Variants in KIAA1958 observed in about 807,000 individuals in gnomAD.
KIAA1958 encodes the protein KIAA1958, also known as uncharacterized protein KIAA1958.
A neutral mutation model predicts 47.2 loss-of-function variants in KIAA1958; 14 were observed. That is an observed-to-expected ratio of 0.30 (90% CI 0.20 to 0.46). The LOEUF is 0.46. Ranked by LOEUF, KIAA1958 falls within the 20% of genes least tolerant of loss-of-function variation. The pLI, the probability that KIAA1958 is intolerant of heterozygous loss-of-function variation, is 1.00. For synonymous variants in KIAA1958, 354 were observed against 353.3 expected, an observed-to-expected ratio of 1.00 and a Z score of -0.02; for missense variants, 803 against 909.2, an observed-to-expected ratio of 0.88 and a Z score of 1.50.
chr9:112,657,154 G>A (rs1448771737), intron 3 of KIAA1958, among the ~76,000 whole-genome samples: 1 of 151,900 alleles, frequency 6.6e-6, no homozygotes, highest in Non-Finnish European at 1.5e-5. Flanking sequence ...GGAGTGCAGT[G>A]GCATGATCTC....
At chr9:112,623,408 A>C (rs1319245669) in intron 2 of KIAA1958, among the ~76,000 whole-genome samples, 1 of 152,232 alleles carries the variant, frequency 6.6e-6, no homozygotes, top group Non-Finnish European at 1.5e-5. Flanking sequence ...ATCTGAAATT[A>C]GATCCAGATC....
rs761228460 is a variant in KIAA1958 at position 112,575,091 on chromosome 9, T to A, written c.1011T>A (p.Val337=). ...ALQLPGQDEQ[V]ASEEFLSHLP... ...AGCTGCCTGGACAGGATGAGCAAGT[T>A]GCCTCTGAAGAGTTCCTGTCCCATC... Residue 337 remains valine (V), a synonymous_variant, in exon 2 of 4, where the codon GTT becomes GTA. Coordinates refer to ENST00000337530, the MANE Select transcript of KIAA1958 (RefSeq NM_133465.4). 5.6e-6 allele frequency: 9 copies of A among 1,612,066 alleles called. 1 individual carries two copies. The South Asian group carries it at 9.9e-5, about 18-fold the overall frequency.
At chr9:112,511,278 C>G (rs1337295844) in intron 1 of KIAA1958, among the ~76,000 whole-genome samples, 1 of 152,146 alleles carries the variant, frequency 6.6e-6, no homozygotes, top group African/African-American at 2.4e-5. Context: ...CATACTGAAT[C>G]AGAAACTCTG....
At chr9:112,515,717 A>G (rs1834418247) in intron 1 of KIAA1958, among the ~76,000 whole-genome samples, 1 of 83,612 alleles carries the variant, frequency 1.2e-5, no homozygotes, top group African/African-American at 4.8e-5. Context: ...ACCAATCCCT[A>G]ATCTCAAGTA....
At position 112,550,643 on chromosome 9, in the gene KIAA1958, T is replaced by C. The variant is rs548821181; in HGVS notation, c.-24-23414T>C. ...AGTCCTGGAGAACCAGGAGTCAGAT[T>C]CCAGGTAGGCCCTCCCAGTTGAATC... On this transcript the variant is annotated intron_variant, in intron 1 of 3. Coordinates refer to ENST00000337530, the MANE Select transcript of KIAA1958 (RefSeq NM_133465.4). Among the ~76,000 whole-genome samples, 7 of 152,278 alleles carry C rather than the reference T, an allele frequency of 4.6e-5. No individual in the cohort carries two copies. In the East Asian group the frequency reaches 1.3e-3, roughly 29 times the overall value.
intron 1 of KIAA1958, among the ~76,000 whole-genome samples, chr9:112,520,832 C>T (rs910177122): frequency 4.6e-5 from 7 of 152,204 alleles, no homozygotes; most frequent in African/African-American, 1.2e-4. Flanking sequence ...TGAATCAAGA[C>T]AGCATATGTT....
chr9:112,503,878 G>C (rs1041709999), intron 1 of KIAA1958, among the ~76,000 whole-genome samples: 1 of 151,468 alleles, frequency 6.6e-6, no homozygotes, highest in Non-Finnish European at 1.5e-5. Flanking sequence ...AAGATTGGAA[G>C]GAAATACCCT....
chr9:112,653,544 A>G (rs1837095539), intron 3 of KIAA1958, among the ~76,000 whole-genome samples: 1 of 152,174 alleles, frequency 6.6e-6, no homozygotes, highest in Admixed American at 6.5e-5. Context: ...ACTTTTCCCC[A>G]TATTCCCACA....
At chr9:112,508,496 G>A (rs1283300483) in intron 1 of KIAA1958, among the ~76,000 whole-genome samples, 1 of 152,228 alleles carries the variant, frequency 6.6e-6, no homozygotes, top group African/African-American at 2.4e-5. Flanking sequence ...ATGGCACATT[G>A]TTGGAACACC....
intron 2 of KIAA1958, among the ~76,000 whole-genome samples, chr9:112,634,996 C>T (rs1836779415): frequency 1.3e-5 from 2 of 151,850 alleles, no homozygotes; most frequent in South Asian, 4.2e-4. Flanking sequence ...ATTCCGTTTT[C>T]TCATAGTGTG....
intron 2 of KIAA1958, among the ~76,000 whole-genome samples, chr9:112,610,215 A>G (rs2131208859): frequency 6.6e-6 from 1 of 152,172 alleles, no homozygotes; most frequent in East Asian, 1.9e-4. Flanking sequence ...AAACCTAGAG[A>G]TGCAGATAAC....
intron 3 of KIAA1958, among the ~76,000 whole-genome samples, chr9:112,653,483 C>T (rs1837095010): frequency 6.6e-6 from 1 of 152,182 alleles, no homozygotes; most frequent in Admixed American, 6.5e-5. Flanking sequence ...CTACTAGTCT[C>T]ACTTGGGGTA....
At chr9:112,635,320 G>A (rs1192024531) in intron 2 of KIAA1958, among the ~76,000 whole-genome samples, 3 of 146,188 alleles carry the variant, frequency 2.1e-5, no homozygotes, top group African/African-American at 5.0e-5. Flanking sequence ...GTGCAATCTC[G>A]GTTCACTACA....
chr9:112,629,398 C>T (rs1451289708), intron 2 of KIAA1958, among the ~76,000 whole-genome samples: 2 of 152,110 alleles, frequency 1.3e-5, no homozygotes, highest in South Asian at 2.1e-4. Context: ...CTGTTTCACT[C>T]AAATCATATT....
chr9:112,525,918 T>TTTCTTCTTCTTCTTC (rs758525184), intron 1 of KIAA1958, among the ~76,000 whole-genome samples: 11 of 96,444 alleles, frequency 1.1e-4, no homozygotes, highest in Non-Finnish European at 1.9e-4. Flanking sequence ...ATTTATATTC[T>TTTCTTCTTCTTCTTC]TTCTTCTTCT....
chr9:112,488,920 G>T (rs958289939), intron 1 of KIAA1958, among the ~76,000 whole-genome samples: 4 of 152,180 alleles, frequency 2.6e-5, no homozygotes, highest in African/African-American at 9.7e-5. Context: ...AATGCCTGGA[G>T]CGTAGATTTG....
chr9:112,565,447 G>T (rs1402870483), intron 1 of KIAA1958, among the ~76,000 whole-genome samples: 1 of 152,158 alleles, frequency 6.6e-6, no homozygotes, highest in Admixed American at 6.5e-5. Context: ...AACTCTGTAA[G>T]TGTCTTATCC....
At chr9:112,568,929 G>A (rs1471832129) in intron 1 of KIAA1958, among the ~76,000 whole-genome samples, 1 of 17,338 alleles carries the variant, frequency 5.8e-5, no homozygotes, top group Non-Finnish European at 1.2e-4. Flanking sequence ...TTTAAGAATA[G>A]GAAAACTAAA....
intron 2 of KIAA1958, among the ~76,000 whole-genome samples, chr9:112,620,469 C>T (rs1281764204): frequency 1.3e-5 from 2 of 152,188 alleles, no homozygotes; most frequent in Non-Finnish European, 1.5e-5. Context: ...TGAGCTCTCC[C>T]ATGGTCAGGG....
Sources: allele counts gnomAD v4.1 joint callset (sites outside exome capture counted in the v4.1 genomes callset), GRCh38; gene constraint gnomAD v4.1.1; transcripts MANE v1.5; gene names NCBI Gene and HGNC (gene_info 2026-07-23, HGNC 2026-07-21).